Variants in LRRC37A2 observed in about 807,000 individuals in gnomAD.
The protein encoded by LRRC37A2 is leucine-rich repeat-containing protein 37A2.
Under a neutral mutation model 68.8 loss-of-function variants are expected in LRRC37A2, and 9 were observed. The observed-to-expected ratio is 0.13, with a 90% CI of 0.08 to 0.23. The LOEUF (loss-of-function observed/expected upper bound fraction) is 0.23, where lower values mean the gene tolerates loss of function less well. Among genes scored for constraint, LRRC37A2 ranks in the 10% least tolerant of loss-of-function variants. The pLI is 1.00. For synonymous variants in LRRC37A2, 63 were observed against 367.6 expected, an observed-to-expected ratio of 0.17 and a Z score of 9.48; for missense variants, 168 against 950.4, an observed-to-expected ratio of 0.18 and a Z score of 10.82.
At chr17:46,900,202 T>C in the LRRC37A2 span, among the ~76,000 whole-genome samples, 62,170 of 100,242 alleles carry the variant, frequency 0.62, 19,184 homozygotes, top group Non-Finnish European at 0.66. Context: ...TATATATATA[T>C]ACACACACAC....
At chr17:46,796,113 T>C in the LRRC37A2 span, among the ~76,000 whole-genome samples, 1 of 152,238 alleles carries the variant, frequency 6.6e-6, no homozygotes, top group Non-Finnish European at 1.5e-5. Context: ...GTGATCTGGC[T>C]GACCCCAATC....
At chr17:46,908,555 G>C in the LRRC37A2 span, among the ~76,000 whole-genome samples, 5 of 152,106 alleles carry the variant, frequency 3.3e-5, no homozygotes, top group Admixed American at 3.3e-4. Flanking sequence ...TTTGCCCGAG[G>C]GGGTGGGAGC....
chr17:46,949,132 A>T, the LRRC37A2 span: 4 of 152,236 alleles, frequency 2.6e-5, no homozygotes, highest in Non-Finnish European at 4.4e-5. Flanking sequence ...CGTGGCTGGG[A>T]TAGCTGTCTC....
At chr17:46,992,722 G>A in the LRRC37A2 span, among the ~76,000 whole-genome samples, 2 of 151,824 alleles carry the variant, frequency 1.3e-5, no homozygotes, top group Admixed American at 6.6e-5. Context: ...GCATTGTGGT[G>A]GGCACCTGTA....
At chr17:46,910,747 G>A in the LRRC37A2 span, among the ~76,000 whole-genome samples, 1 of 152,198 alleles carries the variant, frequency 6.6e-6, no homozygotes, top group Non-Finnish European at 1.5e-5. Context: ...GCTTGGAAGC[G>A]GGGACAAATC....
At chr17:46,753,313 A>G in the LRRC37A2 span, among the ~76,000 whole-genome samples, 1 of 152,250 alleles carries the variant, frequency 6.6e-6, no homozygotes. Context: ...TCTTGGACCA[A>G]TAACAAATTG....
the LRRC37A2 span, among the ~76,000 whole-genome samples, chr17:46,642,653 T>TATATA: frequency 1.2e-5 from 1 of 85,644 alleles, no homozygotes; most frequent in Non-Finnish European, 2.0e-5. Flanking sequence ...TATGCCCAAT[T>TATATA]ACCTGTATAA....
the LRRC37A2 span, among the ~76,000 whole-genome samples, chr17:46,868,649 G>C: frequency 6.6e-6 from 1 of 152,092 alleles, no homozygotes; most frequent in Non-Finnish European, 1.5e-5. Context: ...ACATTTTTCT[G>C]GGTTCATAAG....
the LRRC37A2 span, among the ~76,000 whole-genome samples, chr17:46,785,692 T>C: frequency 2.0e-5 from 3 of 152,226 alleles, no homozygotes; most frequent in East Asian, 3.9e-4. Context: ...AGGACCATGG[T>C]TCTGGGCAGC....
At chr17:46,945,597 G>A in the LRRC37A2 span, among the ~76,000 whole-genome samples, 51 of 152,292 alleles carry the variant, frequency 3.3e-4, no homozygotes, top group Middle Eastern at 3.4e-3. Context: ...GAGAGGAACA[G>A]GCGTGGGCTA....
chr17:46,952,310 C>T, the LRRC37A2 span, among the ~76,000 whole-genome samples: 1 of 152,202 alleles, frequency 6.6e-6, no homozygotes, highest in South Asian at 2.1e-4. Context: ...GGGTCAGCAG[C>T]CCAAAGCAGT....
the LRRC37A2 span, among the ~76,000 whole-genome samples, chr17:46,729,608 T>C: frequency 6.6e-6 from 1 of 152,168 alleles, no homozygotes; most frequent in African/African-American, 2.4e-5. Flanking sequence ...ACATGAGTTC[T>C]CTTGATTGAT....
At chr17:46,852,484 G>A in the LRRC37A2 span, among the ~76,000 whole-genome samples, 1 of 150,932 alleles carries the variant, frequency 6.6e-6, no homozygotes, top group Non-Finnish European at 1.5e-5. Flanking sequence ...GTGACACCTG[G>A]GGGACAGTGG....
At chr17:46,894,082 C>T in the LRRC37A2 span, among the ~76,000 whole-genome samples, 1 of 152,206 alleles carries the variant, frequency 6.6e-6, no homozygotes, top group Non-Finnish European at 1.5e-5. Context: ...CACTTAGGTG[C>T]CGCCCTGATT....
At chr17:46,914,650 CAAAAA>C in the LRRC37A2 span, among the ~76,000 whole-genome samples, 1 of 72,508 alleles carries the variant, frequency 1.4e-5, no homozygotes, top group Non-Finnish European at 2.4e-5. Context: ...GACTCCACCT[CAAAAA>C]AAAAAAAAAA....
the LRRC37A2 span, among the ~76,000 whole-genome samples, chr17:47,013,869 T>C: frequency 3.1e-4 from 47 of 152,318 alleles, no homozygotes; most frequent in African/African-American, 1.1e-3. Flanking sequence ...GCGCGGTGGC[T>C]CACACCTGTA....
the LRRC37A2 span, among the ~76,000 whole-genome samples, chr17:46,997,316 C>A: frequency 6.6e-6 from 1 of 152,168 alleles, no homozygotes; most frequent in Middle Eastern, 3.4e-3. Flanking sequence ...CCTGCCACTT[C>A]ACTCCAGCCT....
chr17:46,877,340 G>A, the LRRC37A2 span, among the ~76,000 whole-genome samples: 3 of 152,292 alleles, frequency 2.0e-5, no homozygotes, highest in East Asian at 1.9e-4. Flanking sequence ...GAGTGGACCC[G>A]AGTGAGATCT....
At chr17:46,755,456 A>C in the LRRC37A2 span, 1 of 1,142,496 alleles carries the variant, frequency 8.8e-7, no homozygotes, top group Non-Finnish European at 1.3e-6. Flanking sequence ...GCTTTCCTAG[A>C]TAAGTTTGTT....
Sources: allele counts gnomAD v4.1 joint callset (sites outside exome capture counted in the v4.1 genomes callset), GRCh38; gene constraint gnomAD v4.1.1; transcripts MANE v1.5; gene names NCBI Gene and HGNC (gene_info 2026-07-23, HGNC 2026-07-21).